The following FLT1 variants were observed in gnomAD, a reference collection of about 807,000 sequenced individuals.
The protein encoded by FLT1 is fms related receptor tyrosine kinase 1.
FLT1 carries 49 observed loss-of-function variants against 156.3 expected under a neutral mutation model. The ratio of observed to expected loss-of-function variants is 0.31; its 90% CI spans 0.25 to 0.40. The LOEUF (loss-of-function observed/expected upper bound fraction) is 0.40. Ranked by LOEUF, FLT1 falls within the 10% of genes least tolerant of loss-of-function variation. The pLI, the probability that FLT1 is intolerant of heterozygous loss-of-function variation, is 1.00. For synonymous variants in FLT1, 594 were observed against 583.8 expected, an observed-to-expected ratio of 1.02 and a Z score of -0.25; for missense variants, 1,322 against 1,637.2, an observed-to-expected ratio of 0.81 and a Z score of 3.32.
intron 28 of FLT1, 52 bp downstream of exon 28, chr13:28,308,791 C>T: frequency 9.1e-7 from 1 of 1,098,276 alleles, no homozygotes; most frequent in South Asian, 1.2e-5. Context: ...TGGAAGGGAT[C>T]TGAAGAAGGG....
chr13:28,405,756 A>T (rs1456536950), intron 11 of FLT1, 24 bp downstream of exon 11: 4 of 1,173,936 alleles, frequency 3.4e-6, no homozygotes, highest in Admixed American at 1.7e-5. Context: ...TAAATATCCC[A>T]GTGCGCATTT....
At chr13:28,372,882 A>AAAAT (rs1312517429) in intron 14 of FLT1, among the ~76,000 whole-genome samples, 1 of 151,750 alleles carries the variant, frequency 6.6e-6, no homozygotes, top group African/African-American at 2.4e-5. Context: ...CTCTGTCTCA[A>AAAAT]AAATAAATAA....
At chr13:28,441,894 G>A (rs778681976) in intron 3 of FLT1, among the ~76,000 whole-genome samples, 3 of 152,116 alleles carry the variant, frequency 2.0e-5, no homozygotes, top group Non-Finnish European at 2.9e-5. Context: ...TTATTTTATA[G>A]TAATATTTTT....
At chr13:28,461,294 A>G (rs1234336553) in intron 3 of FLT1, among the ~76,000 whole-genome samples, 1 of 152,212 alleles carries the variant, frequency 6.6e-6, no homozygotes, top group Non-Finnish European at 1.5e-5. Context: ...TAACTGTATA[A>G]TCTATGTTCT....
chr13:28,389,670 A>G, intron 13 of FLT1, 126 bp downstream of exon 13: 1 of 1,543,962 alleles, frequency 6.5e-7, no homozygotes, highest in Non-Finnish European at 8.7e-7. Flanking sequence ...TCAAGATGAT[A>G]TGAGACAACT....
intron 1 of FLT1, among the ~76,000 whole-genome samples, chr13:28,484,940 G>C (rs1295808121): frequency 7.4e-6 from 1 of 135,842 alleles, no homozygotes; most frequent in African/African-American, 2.8e-5. Context: ...GTGGTGTGGG[G>C]GGAGGGGGGA....
intron 8 of FLT1, among the ~76,000 whole-genome samples, chr13:28,429,712 A>G (rs1345861674): frequency 6.6e-6 from 1 of 152,204 alleles, no homozygotes; most frequent in Non-Finnish European, 1.5e-5. Flanking sequence ...AGCATGTTAC[A>G]TATTCAAAAT....
At chr13:28,447,011 A>C (rs780295398) in intron 3 of FLT1, among the ~76,000 whole-genome samples, 4 of 152,054 alleles carry the variant, frequency 2.6e-5, no homozygotes, top group Non-Finnish European at 5.9e-5. Context: ...TTTCAAGGAG[A>C]CCATTCAGTG....
At chr13:28,383,848 CAAAA>C in intron 14 of FLT1, among the ~76,000 whole-genome samples, 1 of 151,600 alleles carries the variant, frequency 6.6e-6, no homozygotes, top group South Asian at 2.1e-4. Context: ...AACAAACAAA[CAAAA>C]AAAGTAACCT....
intron 1 of FLT1, among the ~76,000 whole-genome samples, chr13:28,472,479 G>C (rs1880231739): frequency 6.6e-6 from 1 of 152,200 alleles, no homozygotes; most frequent in Non-Finnish European, 1.5e-5. Context: ...GTCTGACTAA[G>C]AGTATGTTTA....
At chr13:28,303,696 G>C (rs368417667) in intron 29 of FLT1, among the ~76,000 whole-genome samples, 1 of 152,094 alleles carries the variant, frequency 6.6e-6, no homozygotes, top group Non-Finnish European at 1.5e-5. Context: ...GGGTCAAACA[G>C]CTTCTGTGGT....
chr13:28,357,498 A>G, intron 15 of FLT1, 56 bp downstream of exon 15: 1 of 1,593,642 alleles, frequency 6.3e-7, no homozygotes, highest in Non-Finnish European at 8.6e-7. Flanking sequence ...AAGTTAAACA[A>G]ACAGGGAAAT....
chr13:28,360,046 G>C (rs144086167), intron 14 of FLT1, among the ~76,000 whole-genome samples: 5,820 of 83,020 alleles, frequency 0.07, 300 homozygotes, highest in Admixed American at 0.26. Context: ...GGGAGGCAGA[G>C]GTTGCAGTGA....
intron 10 of FLT1, among the ~76,000 whole-genome samples, chr13:28,413,550 T>C (rs1004003095): frequency 3.3e-5 from 5 of 152,074 alleles, no homozygotes; most frequent in African/African-American, 4.8e-5. Context: ...GTTCATTCAC[T>C]TTTCTTCTTA....
At chr13:28,312,511 TA>T (rs201861045) in intron 25 of FLT1, among the ~76,000 whole-genome samples, 795 of 142,820 alleles carry the variant, frequency 5.6e-3, no homozygotes, top group Middle Eastern at 0.011. Context: ...TCCTTAAAGT[TA>T]AAAAAAAAAA....
intron 1 of FLT1, among the ~76,000 whole-genome samples, chr13:28,494,043 T>G (rs1881608418): frequency 6.6e-6 from 1 of 152,340 alleles, no homozygotes; most frequent in East Asian, 1.9e-4. Context: ...GCACCACGCC[T>G]GCTCCCGGCA....
intron 11 of FLT1, chr13:28,399,121 G>T: frequency 6.5e-7 from 1 of 1,547,590 alleles, no homozygotes; most frequent in Non-Finnish European, 8.7e-7. Context: ...GGTGGAAGCT[G>T]GAAGACAGGA....
intron 1 of FLT1, among the ~76,000 whole-genome samples, chr13:28,487,248 G>A (rs540791704): frequency 4.0e-4 from 61 of 152,274 alleles, no homozygotes; most frequent in Non-Finnish European, 7.2e-4. Context: ...TGGGGACCAC[G>A]GCCCTAGAGA....
chr13:28,412,313 C>CTTTCTTTCTTTCTT (rs1429755510), intron 10 of FLT1, among the ~76,000 whole-genome samples: 3 of 38,050 alleles, frequency 7.9e-5, no homozygotes, highest in Non-Finnish European at 1.3e-4. Flanking sequence ...CTTTCTCTTT[C>CTTTCTTTCTTTCTT]TTTCTTTCTT....
Sources: gnomAD v4.1 joint callset for allele counts (sites outside exome capture counted in the v4.1 genomes callset) on GRCh38, gnomAD v4.1.1 for gene constraint, MANE v1.5 for transcripts, NCBI Gene and HGNC (gene_info 2026-07-23, HGNC 2026-07-21) for gene names.